The following SRC variants were observed in gnomAD, a reference collection of about 807,000 sequenced individuals.
SRC encodes SRC proto-oncogene, non-receptor tyrosine kinase.
Under a neutral mutation model 62.9 loss-of-function variants are expected in SRC, and 13 were observed. The ratio of observed to expected loss-of-function variants is 0.21; its 90% CI spans 0.13 to 0.33. The LOEUF is 0.33. Among genes scored for constraint, SRC ranks in the 10% least tolerant of loss-of-function variants. The pLI, the probability that SRC is intolerant of heterozygous loss-of-function variation, is 1.00. For missense variants in SRC, 457 were observed against 737.3 expected, an observed-to-expected ratio of 0.62 and a Z score of 4.40; for synonymous variants, 302 against 317.5, an observed-to-expected ratio of 0.95 and a Z score of 0.52.
At chr20:37,386,018 C>A in intron 4 of SRC, 57 bp from the exon 5 acceptor site, 2 of 1,412,408 alleles carry the variant, frequency 1.4e-6, no homozygotes, top group Non-Finnish European at 2.0e-6. Context: ...GCCATCCTGC[C>A]CATGCCTTCC....
At chr20:37,368,391 C>T (rs572557924) in intron 2 of SRC, among the ~76,000 whole-genome samples, 19 of 151,954 alleles carry the variant, frequency 1.3e-4, no homozygotes, top group Non-Finnish European at 2.2e-4. Flanking sequence ...TTACTTCAGC[C>T]TGGGCAACAG....
intron 1 of SRC, among the ~76,000 whole-genome samples, chr20:37,358,755 C>T (rs893669233): frequency 2.0e-4 from 30 of 152,214 alleles, no homozygotes; most frequent in African/African-American, 7.0e-4. Flanking sequence ...AGCTCCGTGG[C>T]CCCCCTGCTG....
intron 1 of SRC, among the ~76,000 whole-genome samples, chr20:37,362,209 G>A (rs1430179947): frequency 6.6e-6 from 1 of 151,836 alleles, no homozygotes; most frequent in Non-Finnish European, 1.5e-5. Flanking sequence ...GCACCACCAT[G>A]ACCGGTTACA....
chr20:37,384,258 G>T lies in SRC; in HGVS notation c.105G>T (p.Ser35=). 6.4e-7 allele frequency: 1 copy of T among 1,560,912 alleles called. No individual in the cohort carries two copies. Among genetic ancestry groups the T allele is most frequent in the Non-Finnish European group, 8.6e-7 (1 of 1,162,528 alleles). The stretch of plus-strand genomic sequence containing the variant: ...CTGGCGGGGGCGCTTTCCCCGCCTC[G>T]CAGACCCCCAGCAAGCCAGCCTCGG... ...HGAGGGAFPA[S]QTPSKPASAD... The change falls in exon 4 of 14, where the codon TCG becomes TCT. Residue 35 remains serine (S), a synonymous_variant. Coordinates refer to ENST00000373578, the MANE Select transcript of SRC (RefSeq NM_198291.3). This position sits in a 1 kb window ranked among gnomAD's most constrained non-coding sequence, Gnocchi z 6.7.
At chr20:37,399,318 TG>T (rs1229271289) in intron 9 of SRC, among the ~76,000 whole-genome samples, 1 of 152,118 alleles carries the variant, frequency 6.6e-6, no homozygotes, top group African/African-American at 2.4e-5. Context: ...TGTCTCATTT[TG>T]GGGGGCGGGT....
rs750404077 is a variant in SRC, at chr20:37,351,137, C to T, written c.-247+4882C>T. Among the ~76,000 whole-genome samples, 1 of 152,244 alleles carries T rather than the reference C, an allele frequency of 6.6e-6. No individual in the cohort carries two copies. The highest frequency in any genetic ancestry group is 1.5e-5 in the Non-Finnish European group (1 of 68,050). On this transcript the variant is annotated intron_variant, in intron 1 of 13. Transcript: ENST00000373578. This position sits in a 1 kb window ranked among gnomAD's most constrained non-coding sequence, Gnocchi z 4.4. ...AGCTGGGAGCCAGACCTCCATCTCCCTACTCCTTGCTCTGGGTCCTTGGGC... is the reference window on the plus strand; with the variant it reads ...AGCTGGGAGCCAGACCTCCATCTCCTTACTCCTTGCTCTGGGTCCTTGGGC...
intron 5 of SRC, among the ~76,000 whole-genome samples, chr20:37,389,851 T>C (rs564031845): frequency 6.6e-6 from 1 of 152,268 alleles, no homozygotes; most frequent in Non-Finnish European, 1.5e-5. Flanking sequence ...TGGCCCTTCT[T>C]CTAGCCATGG....
In SRC at chr20:37,397,330, G is replaced by A. The variant is rs1055892676; in HGVS notation, c.704-369G>A. Among the ~76,000 whole-genome samples, 18 of 152,272 alleles carry A rather than the reference G, an allele frequency of 1.2e-4. 1 individual carries two copies. The highest frequency in any genetic ancestry group is 7.8e-4 in the Admixed American group (12 of 15,300). ...CCTTCCAGGCCACTCCTGCTGTTGC[G>A]CGAACAGCTCTCCAGTCACATTCAC... On this transcript the variant is annotated intron_variant, in intron 8 of 13. Transcript: ENST00000373578. The surrounding 1 kb of genome is among the most constrained non-coding windows in gnomAD (Gnocchi z 4.1).
chr20:37,365,811 T>C (rs2070055066), intron 2 of SRC, among the ~76,000 whole-genome samples: 1 of 152,142 alleles, frequency 6.6e-6, no homozygotes, highest in Non-Finnish European at 1.5e-5. Context: ...CTCGAATGCC[T>C]GTGCTCAAGC....
At chr20:37,387,681 T>C (rs987261110) in intron 5 of SRC, among the ~76,000 whole-genome samples, 1 of 152,240 alleles carries the variant, frequency 6.6e-6, no homozygotes, top group Non-Finnish European at 1.5e-5. Context: ...TGGGAGCTGC[T>C]GGAGGGTGGC....
Position 37,397,746 on chromosome 20 carries a change from T to G in SRC, c.751T>G (p.Ser251Ala). ...CHRLTTVCPTSKPQTQGLAKD... is the reference protein window; with the variant it reads ...CHRLTTVCPTAKPQTQGLAKD... ...CCGCCTCACCACCGTGTGCCCCACG[T>G]CCAAGCCGCAGACTCAGGGCCTGGC... Residue 251 changes from serine (S) to alanine (A), a missense_variant, in exon 9 of 14, where the codon TCC (serine) becomes GCC (alanine). Physicochemically the swap from Ser to Ala is moderately conservative, Grantham distance 99. Around this residue, in one of 4 missense-constraint regions of SRC, gnomAD observed 141 missense variants for 198.4 expected, o/e 0.71. Transcript: ENST00000373578. This position sits in a 1 kb window ranked among gnomAD's most constrained non-coding sequence, Gnocchi z 4.1. 1.2e-6 allele frequency: 2 copies of G among 1,609,328 alleles called. No individual in the cohort carries two copies. The highest frequency in any genetic ancestry group is 1.7e-6 in the Non-Finnish European group (2 of 1,177,872).
rs2070757759 is a variant in SRC at position 37,402,670 on chromosome 20, G to A, written c.1271-79G>A. 6.4e-7 allele frequency: 1 copy of A among 1,571,184 alleles called. No homozygotes were observed. Among genetic ancestry groups the A allele is most frequent in the Admixed American group, 1.8e-5 (1 of 55,774 alleles). ...CTGAGCCCCAGTTTTTTCCTCAGCTGTCATTCCTCATGGTGCTTATCTAGC... is the reference window on the plus strand; with the variant it reads ...CTGAGCCCCAGTTTTTTCCTCAGCTATCATTCCTCATGGTGCTTATCTAGC... On this transcript the variant is annotated intron_variant, in intron 12 of 13. Coordinates refer to ENST00000373578, the MANE Select transcript of SRC (RefSeq NM_198291.3). The surrounding 1 kb of genome is among the most constrained non-coding windows in gnomAD (Gnocchi z 6.2).
At chr20:37,347,795 G>T (rs919604756) in intron 1 of SRC, among the ~76,000 whole-genome samples, 8 of 152,140 alleles carry the variant, frequency 5.3e-5, no homozygotes, top group African/African-American at 1.7e-4. Flanking sequence ...CTAAGAGAGG[G>T]GAAGTGACTT....
At chr20:37,364,598 C>CT (rs2070033874) in intron 1 of SRC, among the ~76,000 whole-genome samples, 1 of 152,142 alleles carries the variant, frequency 6.6e-6, no homozygotes, top group Admixed American at 6.5e-5. Context: ...TGGGAACCTG[C>CT]TGTGTGATCT....
intron 1 of SRC, among the ~76,000 whole-genome samples, chr20:37,364,908 T>C (rs1162554581): frequency 1.3e-5 from 2 of 152,284 alleles, no homozygotes; most frequent in African/African-American, 4.8e-5. Context: ...TCATCTCTAC[T>C]TGTGGAAATC....
At chr20:37,373,309 A>G (rs1406328138) in intron 2 of SRC, among the ~76,000 whole-genome samples, 3 of 151,762 alleles carry the variant, frequency 2.0e-5, no homozygotes, top group Non-Finnish European at 2.9e-5. Context: ...ACATGCACAC[A>G]TTACATATGT....
At chr20:37,380,547 A>G (rs2070350630) in intron 2 of SRC, among the ~76,000 whole-genome samples, 2 of 152,204 alleles carry the variant, frequency 1.3e-5, no homozygotes, top group Non-Finnish European at 2.9e-5. Flanking sequence ...ACGGAATGAT[A>G]TTTAGTCTTT....
intron 2 of SRC, among the ~76,000 whole-genome samples, chr20:37,373,260 G>C (rs1001678845): frequency 1.6e-5 from 2 of 126,354 alleles, no homozygotes; most frequent in African/African-American, 5.5e-5. Flanking sequence ...GCACACACAT[G>C]TACATACGCA....
intron 3 of SRC, among the ~76,000 whole-genome samples, chr20:37,383,504 C>T (rs574376392): frequency 1.3e-5 from 2 of 152,128 alleles, no homozygotes; most frequent in South Asian, 2.1e-4. Flanking sequence ...AGGCGTGGCT[C>T]AGATACTGTC....
Sources: gnomAD v4.1 joint callset for allele counts (sites outside exome capture counted in the v4.1 genomes callset) on GRCh38, gnomAD v4.1.1 for gene constraint, gnomAD v4.1.1 regional missense constraint, Gnocchi (gnomAD v3.1) non-coding constraint, MANE v1.5 for transcripts, NCBI Gene and HGNC (gene_info 2026-07-23, HGNC 2026-07-21) for gene names.